The following P4HA1 variants were observed in gnomAD, a reference collection of about 807,000 sequenced individuals.
The protein encoded by P4HA1 is prolyl 4-hydroxylase subunit alpha-1.
In P4HA1, 24 loss-of-function variants were observed where a neutral mutation model predicts 72.8. The ratio of observed to expected loss-of-function variants is 0.33; its 90% CI spans 0.24 to 0.46. The LOEUF (loss-of-function observed/expected upper bound fraction) is 0.46. P4HA1 is among the 20% of genes least tolerant of loss of function. The pLI is 1.00. For synonymous variants in P4HA1, 201 were observed against 218.8 expected, an observed-to-expected ratio of 0.92 and a Z score of 0.72; for missense variants, 446 against 640.6, an observed-to-expected ratio of 0.70 and a Z score of 3.28.
At chr10:73,018,947 C>T (rs1452548263) in intron 10 of P4HA1, among the ~76,000 whole-genome samples, 1 of 152,146 alleles carries the variant, frequency 6.6e-6, no homozygotes, top group African/African-American at 2.4e-5. Context: ...ATGCAAGACC[C>T]TGAGCCCAGG....
intron 5 of P4HA1, among the ~76,000 whole-genome samples, chr10:73,067,324 C>T (rs79652015): frequency 0.04 from 6,133 of 152,228 alleles, 347 homozygotes; most frequent in African/African-American, 0.12. Flanking sequence ...CCTGGTTCTT[C>T]GTCCCTTGGC....
intron 11 of P4HA1, 90 bp from the exon 12 acceptor site, chr10:73,014,379 G>C: frequency 1.1e-6 from 1 of 940,634 alleles, no homozygotes; most frequent in Non-Finnish European, 1.7e-6. Context: ...GTAATATCCT[G>C]AAGAATATGC....
chr10:73,025,521 A>C (rs1212338359), intron 10 of P4HA1, among the ~76,000 whole-genome samples: 1 of 152,166 alleles, frequency 6.6e-6, no homozygotes, highest in African/African-American at 2.4e-5. Context: ...CTGAATGGGC[A>C]AAAACTGGAA....
At chr10:73,040,658 G>A (rs939816776) in intron 9 of P4HA1, among the ~76,000 whole-genome samples, 2 of 151,838 alleles carry the variant, frequency 1.3e-5, no homozygotes, top group African/African-American at 4.8e-5. Context: ...ATTTTTAGTA[G>A]AGATGGGGTT....
intron 10 of P4HA1, among the ~76,000 whole-genome samples, chr10:73,020,485 A>C (rs928721500): frequency 6.6e-6 from 1 of 152,206 alleles, no homozygotes; most frequent in Non-Finnish European, 1.5e-5. Flanking sequence ...GCTGAATTTT[A>C]CCAGACATAC....
At position 73,038,718 on chromosome 10, in the gene P4HA1, C is replaced by T. The variant is rs1840662055; in HGVS notation, c.1148+6263G>A. ...CTCGGCTCACTGCAAGCTCCGCCTC[C>T]CGGGTTCACGCCATTCTCCTGCCTC... On this transcript the variant is annotated intron_variant, in intron 9 of 14. Transcript: ENST00000394890. 1.5e-5 allele frequency among the ~76,000 whole-genome samples: 2 copies of T among 136,104 alleles called. 1 individual carries two copies. Among genetic ancestry groups the T allele is most frequent in the Non-Finnish European group, 3.0e-5 (2 of 65,760 alleles). 89.3% of individuals were successfully genotyped at this position (136,104 alleles called of 152,430 possible). A position where few individuals can be genotyped will look rare whatever the true frequency, so the allele number is the denominator to read the frequency against.
At position 73,016,911 on chromosome 10, in the gene P4HA1, A is replaced by C; in HGVS notation, c.1249-12T>G. 2 of 1,606,116 alleles carry C rather than the reference A, an allele frequency of 1.2e-6. No homozygotes were observed. Among genetic ancestry groups the C allele is most frequent in the Non-Finnish European group, 1.7e-6 (2 of 1,173,620 alleles). Reference sequence around the variant, plus strand: ...CCATAATTTGCTACCTGAAGGAAAGACACAAAGCATGAAAGAAAAGAACTA... The same window carrying C: ...CCATAATTTGCTACCTGAAGGAAAGCCACAAAGCATGAAAGAAAAGAACTA... On this transcript the variant is annotated splice_polypyrimidine_tract_variant and intron_variant, in intron 10 of 14. Transcript: ENST00000394890.
At chr10:73,015,092 A>G (rs952188215) in intron 11 of P4HA1, among the ~76,000 whole-genome samples, 42 of 152,006 alleles carry the variant, frequency 2.8e-4, no homozygotes, top group African/African-American at 9.7e-4. Context: ...TGGCCTCCCA[A>G]AGTGCTGGGA....
chr10:73,093,350 T>C (rs1842077256), intron 1 of P4HA1, among the ~76,000 whole-genome samples: 1 of 152,116 alleles, frequency 6.6e-6, no homozygotes, highest in Non-Finnish European at 1.5e-5. Flanking sequence ...GTCATACTGA[T>C]CATCCAAAGG....
rs1345210375 is a variant in P4HA1 at position 73,047,483 on chromosome 10, CAA to C, written c.901-384_901-383del. On this transcript the variant is annotated intron_variant, in intron 7 of 14. Transcript: ENST00000394890. ...AAAGTAACTGGAAAGCACCCAGAGA[CAA>C]AAAGTTTCTAGAAGAAAAAAAAAAC... is the stretch of plus-strand genomic sequence containing the variant. 4.1e-5 allele frequency among the ~76,000 whole-genome samples: 2 copies of C among 49,004 alleles called. 1 individual carries two copies. Among genetic ancestry groups the C allele is most frequent in the African/African-American group, 1.3e-4 (2 of 15,196 alleles). The allele number at this position is 49,004 out of a possible 152,430, so 32.1% of individuals were successfully genotyped here.
chr10:73,026,447 C>T (rs968895915), intron 10 of P4HA1, among the ~76,000 whole-genome samples: 10 of 151,998 alleles, frequency 6.6e-5, no homozygotes, highest in African/African-American at 2.4e-4. Flanking sequence ...CTTTATATAA[C>T]AATTAATTCA....
At chr10:73,068,399 G>C (rs1234836799) in intron 5 of P4HA1, among the ~76,000 whole-genome samples, 2 of 152,106 alleles carry the variant, frequency 1.3e-5, no homozygotes, top group Non-Finnish European at 2.9e-5. Flanking sequence ...GCCAAAAATA[G>C]GTCAGAAAGT....
At chr10:73,058,487 C>T (rs979091052) in intron 5 of P4HA1, among the ~76,000 whole-genome samples, 1 of 152,168 alleles carries the variant, frequency 6.6e-6, no homozygotes, top group Non-Finnish European at 1.5e-5. Flanking sequence ...GCCTTTGTCC[C>T]TACAGAGCAT....
At chr10:73,042,645 ATCT>A (rs1840764223) in intron 9 of P4HA1, among the ~76,000 whole-genome samples, 1 of 149,802 alleles carries the variant, frequency 6.7e-6, no homozygotes. Flanking sequence ...GACATTTTAC[ATCT>A]TTTTTTTTTT....
chr10:73,023,488 T>C (rs1230453701), intron 10 of P4HA1, among the ~76,000 whole-genome samples: 2 of 152,130 alleles, frequency 1.3e-5, no homozygotes, highest in Non-Finnish European at 2.9e-5. Context: ...CAAGAGCTCC[T>C]GAAGGAAGCA....
chr10:73,024,675 C>T lies in P4HA1; in HGVS notation c.1248+5596G>A, dbSNP rs137961348. Reference sequence around the variant, plus strand: ...CTGAAAGAGATACAGACATAAAAAACCCTTCAAAAAATCAATGAATCCAGG... The same window carrying T: ...CTGAAAGAGATACAGACATAAAAAATCCTTCAAAAAATCAATGAATCCAGG... On this transcript the variant is annotated intron_variant, in intron 10 of 14. Coordinates refer to ENST00000394890, the MANE Select transcript of P4HA1 (RefSeq NM_001017962.3). Among the ~76,000 whole-genome samples the T allele has an allele frequency of 2.6e-3, 391 of 152,198 alleles. 3 individuals are homozygous for T. The highest frequency in any genetic ancestry group is 8.8e-3 in the African/African-American group (365 of 41,524).
intron 10 of P4HA1, among the ~76,000 whole-genome samples, chr10:73,029,458 A>G (rs1840379310): frequency 6.6e-6 from 1 of 151,966 alleles, no homozygotes; most frequent in Non-Finnish European, 1.5e-5. Context: ...AAAGGCTAAA[A>G]TAAAGGCATT....
intron 10 of P4HA1, among the ~76,000 whole-genome samples, chr10:73,026,097 A>G (rs557080279): frequency 4.8e-4 from 73 of 152,348 alleles, no homozygotes; most frequent in African/African-American, 1.4e-3. Context: ...CAGAATTGGA[A>G]AAATCTACTT....
At chr10:73,054,193 A>T (rs1404837471) in intron 5 of P4HA1, among the ~76,000 whole-genome samples, 1 of 152,180 alleles carries the variant, frequency 6.6e-6, no homozygotes, top group Admixed American at 6.5e-5. Context: ...GGCATAAGCC[A>T]CCGCGCCCGG....
Sources: allele counts gnomAD v4.1 joint callset (sites outside exome capture counted in the v4.1 genomes callset), GRCh38; gene constraint gnomAD v4.1.1; transcripts MANE v1.5; gene names NCBI Gene and HGNC (gene_info 2026-07-23, HGNC 2026-07-21).